The following PCDHGA11 variants were observed in gnomAD, a reference collection of about 807,000 sequenced individuals.
PCDHGA11 encodes the protein protocadherin gamma-A11.
PCDHGA11 carries 39 observed loss-of-function variants against 60.4 expected under a neutral mutation model. The ratio of observed to expected loss-of-function variants is 0.65; its 90% CI spans 0.50 to 0.84. PCDHGA11 has a LOEUF of 0.84. PCDHGA11 is among the 40% of genes least tolerant of loss of function. The probability of loss-of-function intolerance (pLI) is 0.00; values close to 1 mark genes in which losing one functional copy is unlikely to be tolerated. For missense variants in PCDHGA11, 1,165 were observed against 1,197.7 expected, an observed-to-expected ratio of 0.97 and a Z score of 0.40; for synonymous variants, 533 against 510.3, an observed-to-expected ratio of 1.04 and a Z score of -0.60.
intron 1 of PCDHGA11, chr5:141,427,241 T>C (rs1381559575): frequency 4.4e-6 from 2 of 456,696 alleles, no homozygotes; most frequent in Admixed American, 2.3e-5. Flanking sequence ...GAGTAGAAGC[T>C]AAGGATGGTG....
At chr5:141,462,144 G>A (rs984269848) in intron 1 of PCDHGA11, among the ~76,000 whole-genome samples, 1 of 152,042 alleles carries the variant, frequency 6.6e-6, no homozygotes, top group South Asian at 2.1e-4. Context: ...ATTTTTAGTA[G>A]AGATGGGGTT....
rs1399844519 is a variant in PCDHGA11 at position 141,477,484 on chromosome 5, A to G, written c.2434-17323A>G. 1.2e-6 allele frequency: 2 copies of G among 1,614,014 alleles called. No homozygotes were observed. The highest frequency in any genetic ancestry group is 1.7e-6 in the Non-Finnish European group (2 of 1,180,006). ...CCGACATCAATGACAACCCTCCACAATCTTCTCAATCTTCCTACGACGTTT... is the reference window on the plus strand; with the variant it reads ...CCGACATCAATGACAACCCTCCACAGTCTTCTCAATCTTCCTACGACGTTT... On this transcript the variant is annotated intron_variant, in intron 1 of 3. Coordinates refer to ENST00000398587, the MANE Select transcript of PCDHGA11 (RefSeq NM_018914.3). This position sits in a 1 kb window ranked among gnomAD's most constrained non-coding sequence, Gnocchi z 4.9.
chr5:141,441,656 C>A, intron 1 of PCDHGA11: 1 of 247,684 alleles, frequency 4.0e-6, no homozygotes, highest in Non-Finnish European at 8.1e-6. Flanking sequence ...TCTAGGTGTC[C>A]TTGAGCGCAC....
In PCDHGA11 at chr5:141,474,958, C is replaced by T. The variant is rs114469479; in HGVS notation, c.2434-19849C>T. On this transcript the variant is annotated intron_variant, in intron 1 of 3. Transcript: ENST00000398587. ...CACAGTGGACTCTTTTATTCACTAT[C>T]CTAATCATTATAATTTTGTTTGGTG... is the stretch of plus-strand genomic sequence containing the variant. Among the ~76,000 whole-genome samples the T allele has an allele frequency of 4.4e-3, 666 of 152,340 alleles. 6 individuals are homozygous for T. The highest frequency in any genetic ancestry group is 0.015 in the African/African-American group (634 of 41,572).
intron 1 of PCDHGA11, among the ~76,000 whole-genome samples, chr5:141,438,828 A>T (rs1364963084): frequency 6.7e-6 from 1 of 149,956 alleles, no homozygotes; most frequent in Non-Finnish European, 1.5e-5. Context: ...TGCCCAGCTA[A>T]TTTTTTAAAA....
intron 1 of PCDHGA11, among the ~76,000 whole-genome samples, chr5:141,455,028 G>A (rs2098810519): frequency 6.6e-6 from 1 of 150,780 alleles, no homozygotes; most frequent in Non-Finnish European, 1.5e-5. Flanking sequence ...TAGCCAGGAT[G>A]GTCTCGATCT....
At position 141,490,788 on chromosome 5, in the gene PCDHGA11, C is replaced by G. The variant is rs2099704332; in HGVS notation, c.2434-4019C>G. ...ATGTCAACCCAGAGGATGGACGGAT[C>G]TTTGCCCAGCGTACCTTTGACTATG... On this transcript the variant is annotated intron_variant, in intron 1 of 3. Coordinates refer to ENST00000398587, the MANE Select transcript of PCDHGA11 (RefSeq NM_018914.3). The surrounding 1 kb of genome is among the most constrained non-coding windows in gnomAD (Gnocchi z 5.4). 6.2e-7 allele frequency: 1 copy of G among 1,613,918 alleles called. No homozygotes were observed. The highest frequency in any genetic ancestry group is 1.1e-5 in the South Asian group (1 of 91,084).
In PCDHGA11 at chr5:141,477,294, C is replaced by T. The variant is rs753131175; in HGVS notation, c.2434-17513C>T. ...GGGCTGGTGACCTGCGAAGTTCCAC[C>T]GGGTCTCCCTTTCAGCCTTACTTCT... is the stretch of plus-strand genomic sequence containing the variant. On this transcript the variant is annotated intron_variant, in intron 1 of 3. Transcript: ENST00000398587. The surrounding 1 kb of genome is among the most constrained non-coding windows in gnomAD (Gnocchi z 4.9). 4.3e-6 allele frequency: 7 copies of T among 1,614,142 alleles called. No individual in the cohort carries two copies. Among genetic ancestry groups the T allele is most frequent in the East Asian group, 4.5e-5 (2 of 44,872 alleles).
rs373297942 is a variant in PCDHGA11, at chr5:141,431,494, C to T, written c.2433+7834C>T. On this transcript the variant is annotated intron_variant, in intron 1 of 3. Coordinates refer to ENST00000398587, the MANE Select transcript of PCDHGA11 (RefSeq NM_018914.3). This position sits in a 1 kb window ranked among gnomAD's most constrained non-coding sequence, Gnocchi z 4.8. ...ACAACGCACCAGCGTTTGCTCAGCC[C>T]GAGTACCGCGCGAGCGTTCCGGAGA... 107 of 1,613,838 alleles carry T rather than the reference C, an allele frequency of 6.6e-5. No homozygotes were observed. Among genetic ancestry groups the T allele is most frequent in the Middle Eastern group, 1.6e-4 (1 of 6,084 alleles).
At chr5:141,475,829 G>A (rs1408248560) in intron 1 of PCDHGA11, 5 of 386,748 alleles carry the variant, frequency 1.3e-5, no homozygotes, top group Non-Finnish European at 2.3e-5. Flanking sequence ...GCGCTAGCGC[G>A]TGTCCTGCTC....
chr5:141,489,425 G>T lies in PCDHGA11; in HGVS notation c.2434-5382G>T, dbSNP rs779739693. 6.2e-7 allele frequency: 1 copy of T among 1,614,118 alleles called. No homozygotes were observed. The highest frequency in any genetic ancestry group is 8.5e-7 in the Non-Finnish European group (1 of 1,180,030). The stretch of plus-strand genomic sequence containing the variant: ...TTAAAGATGACAGATCTGTTGAGCC[G>T]GCGGCTGCAATTGGGCTCTGAGGAG... On this transcript the variant is annotated intron_variant, in intron 1 of 3. Transcript: ENST00000398587. This position sits in a 1 kb window ranked among gnomAD's most constrained non-coding sequence, Gnocchi z 4.5.
chr5:141,477,351 G>A lies in PCDHGA11; in HGVS notation c.2434-17456G>A. 6.2e-7 allele frequency: 1 copy of A among 1,614,126 alleles called. No homozygotes were observed. The highest frequency in any genetic ancestry group is 8.5e-7 in the Non-Finnish European group (1 of 1,180,018). On this transcript the variant is annotated intron_variant, in intron 1 of 3. Transcript: ENST00000398587. This position sits in a 1 kb window ranked among gnomAD's most constrained non-coding sequence, Gnocchi z 4.9. ...AAGAATTACTTCACTTTGAAAACCA[G>A]TGCAGACCTGGATCGGGAGACTGTG...
At chr5:141,503,598 CAAAAAAAAAAAA>C (rs765754054) in intron 2 of PCDHGA11, among the ~76,000 whole-genome samples, 11 of 65,762 alleles carry the variant, frequency 1.7e-4, no homozygotes, top group Admixed American at 3.4e-4. Context: ...GACTCCAGCT[CAAAAAAAAAAAA>C]AAAAGAAAAA....
At position 141,490,171 on chromosome 5, in the gene PCDHGA11, G is replaced by A. The variant is rs374421995; in HGVS notation, c.2434-4636G>A. 4 of 1,614,100 alleles carry A rather than the reference G, an allele frequency of 2.5e-6. No individual in the cohort carries two copies. The highest frequency in any genetic ancestry group is 3.4e-6 in the Non-Finnish European group (4 of 1,180,034). On this transcript the variant is annotated intron_variant, in intron 1 of 3. Coordinates refer to ENST00000398587, the MANE Select transcript of PCDHGA11 (RefSeq NM_018914.3). The surrounding 1 kb of genome is among the most constrained non-coding windows in gnomAD (Gnocchi z 5.4). ...CCATGTGTTGGGTCCCATAGACTTT[G>A]AGGAGTCACGTTTCTATGAAATTCA...
In PCDHGA11 at chr5:141,477,850, G is replaced by C. The variant is rs2099420608; in HGVS notation, c.2434-16957G>C. On this transcript the variant is annotated intron_variant, in intron 1 of 3. Coordinates refer to ENST00000398587, the MANE Select transcript of PCDHGA11 (RefSeq NM_018914.3). The surrounding 1 kb of genome is among the most constrained non-coding windows in gnomAD (Gnocchi z 4.9). Reference sequence around the variant, plus strand: ...CTCGGCCAGGTGGGAGCTCGGTGGAGATGCTGCCTCGAGGTACCTCAGCTG... The same window carrying C: ...CTCGGCCAGGTGGGAGCTCGGTGGACATGCTGCCTCGAGGTACCTCAGCTG... 6.2e-6 allele frequency: 10 copies of C among 1,613,328 alleles called. No individual in the cohort carries two copies. Among genetic ancestry groups the C allele is most frequent in the Non-Finnish European group, 7.6e-6 (9 of 1,179,812 alleles).
Position 141,476,085 on chromosome 5 carries a change from G to C in PCDHGA11, c.2434-18722G>C, listed in dbSNP as rs1163057402. On this transcript the variant is annotated intron_variant, in intron 1 of 3. Coordinates refer to ENST00000398587, the MANE Select transcript of PCDHGA11 (RefSeq NM_018914.3). This position sits in a 1 kb window ranked among gnomAD's most constrained non-coding sequence, Gnocchi z 7.6. ...TCAGCGAAATCTCAGGGACGATCTG[G>C]ACCCCGCTGAGAGGAACTGCTTTTG... 1.3e-6 allele frequency: 2 copies of C among 1,551,682 alleles called. No individual in the cohort carries two copies. Among genetic ancestry groups the C allele is most frequent in the East Asian group, 2.3e-5 (1 of 44,392 alleles).
chr5:141,439,796 G>A (rs980000701), intron 1 of PCDHGA11: 1 of 152,318 alleles, frequency 6.6e-6, no homozygotes. Flanking sequence ...AATCCAAGAA[G>A]AGTTTGAAAA....
chr5:141,466,769 T>C (rs760924688), intron 1 of PCDHGA11, among the ~76,000 whole-genome samples: 1 of 152,198 alleles, frequency 6.6e-6, no homozygotes, highest in African/African-American at 2.4e-5. Flanking sequence ...CAAACTGTTA[T>C]CTTATTCTTC....
At position 141,491,686 on chromosome 5, in the gene PCDHGA11, C is replaced by CG; in HGVS notation, c.2434-3118dup. 1 of 1,612,970 alleles carries CG rather than the reference C, an allele frequency of 6.2e-7. No individual in the cohort carries two copies. The highest frequency in any genetic ancestry group is 2.2e-5 in the East Asian group (1 of 44,838). ...CATCCGGTCCCGCTCTAATACGCTG[C>CG]GGGAGCGGAGCCAGGTGAGGGGCTC... On this transcript the variant is annotated intron_variant, in intron 1 of 3. Transcript: ENST00000398587. The surrounding 1 kb of genome is among the most constrained non-coding windows in gnomAD (Gnocchi z 6.9).
Sources: gnomAD v4.1 joint callset for allele counts (sites outside exome capture counted in the v4.1 genomes callset) on GRCh38, gnomAD v4.1.1 for gene constraint, Gnocchi (gnomAD v3.1) non-coding constraint, MANE v1.5 for transcripts, NCBI Gene and HGNC (gene_info 2026-07-23, HGNC 2026-07-21) for gene names.